CLU: variants seen among roughly 807,000 people sequenced by gnomAD.
The protein encoded by CLU is aging-associated protein 4.
CLU carries 25 observed loss-of-function variants against 46.4 expected under a neutral mutation model. That is an observed-to-expected ratio of 0.54 (90% CI 0.39 to 0.75). CLU has a LOEUF of 0.75. CLU is among the 30% of genes least tolerant of loss of function. The pLI is 0.00. For missense variants in CLU, 504 were observed against 592.1 expected (o/e 0.85, Z 1.54); for synonymous variants, 235 against 235.1 (o/e 1.00, Z 0.00).
chr8:27,611,145 C>T (rs1218677724), intron 1 of CLU: 1 of 451,490 alleles, frequency 2.2e-6, no homozygotes, highest in Admixed American at 2.4e-5. Flanking sequence ...CTCAGCACCA[C>T]CTGAACTTGA....
Position 27,598,215 on chromosome 8 carries a change from G to A in CLU, c.*26C>T, listed in dbSNP as rs750266639. On this transcript the variant is annotated 3_prime_UTR_variant, in exon 9 of 9. Coordinates refer to ENST00000316403, the MANE Select transcript of CLU (RefSeq NM_001831.4). ...GGGGGAGCTGGACTCAGATGCCCCC[G>A]TAGGTGCAAAAGCAACATCCACATC... 1.7e-5 allele frequency: 28 copies of A among 1,612,846 alleles called. No homozygotes were observed. Among genetic ancestry groups the A allele is most frequent in the South Asian group, 3.3e-5 (3 of 90,980 alleles).
chr8:27,600,104 G>T, intron 6 of CLU, 95 bp from the exon 7 acceptor site: 2 of 943,666 alleles, frequency 2.1e-6, no homozygotes, highest in Non-Finnish European at 3.4e-6. Flanking sequence ...ACATGCAGCG[G>T]GAACAAAAGC....
chr8:27,606,373 G>A lies in CLU; in HGVS notation c.398C>T (p.Ser133Leu), dbSNP rs779845036. The change falls in exon 4 of 9, where the codon TCA becomes TTA. Residue 133 changes from serine (S) to leucine (L), a missense_variant. Coordinates refer to ENST00000316403, the MANE Select transcript of CLU (RefSeq NM_001831.4). ...TTTCACCTGGCGGCCAACCAGGCCT[G>A]AGCCACTTCTGCAGACGCGTGCGTA... is the stretch of plus-strand genomic sequence containing the variant. ...KFYARVCRSG[S>L]GLVGRQLEEF... 45 of 1,614,056 alleles carry A rather than the reference G, an allele frequency of 2.8e-5. No individual in the cohort carries two copies. Among genetic ancestry groups the A allele is most frequent in the Non-Finnish European group, 3.5e-5 (41 of 1,180,054 alleles).
intron 3 of CLU, among the ~76,000 whole-genome samples, chr8:27,607,210 A>T (rs1800837668): frequency 6.6e-6 from 1 of 152,046 alleles, no homozygotes; most frequent in South Asian, 2.1e-4. Flanking sequence ...GGTGGTGCAC[A>T]CCTGCACTCC....
intron 1 of CLU, among the ~76,000 whole-genome samples, chr8:27,612,651 G>A (rs1800949107): frequency 6.6e-6 from 1 of 152,052 alleles, no homozygotes; most frequent in Non-Finnish European, 1.5e-5. Context: ...CAGCCAGTCT[G>A]CAGGTGATAT....
Position 27,602,246 on chromosome 8 carries a change from G to A in CLU, c.934+2045C>T, listed in dbSNP as rs117756655. On this transcript the variant is annotated intron_variant, in intron 6 of 8. Coordinates refer to ENST00000316403, the MANE Select transcript of CLU (RefSeq NM_001831.4). ...GGAAGGGAGCTGCTGACCTCTAGTG[G>A]GCAGAGGCCAGGAATGCTGCCAAAC... Among the ~76,000 whole-genome samples the A allele has an allele frequency of 9.5e-4, 145 of 152,134 alleles. 2 individuals carry two copies. In the East Asian group the frequency reaches 0.025, roughly 26 times the overall value.
chr8:27,599,472 G>A lies in CLU; in HGVS notation c.1164+308C>T. 1 of 395,864 alleles carries A rather than the reference G, an allele frequency of 2.5e-6. No homozygotes were observed. The allele number at this position is 395,864 out of a possible 1,614,324, so 24.5% of individuals were successfully genotyped here. ...GCTTCTGGTTTATTCACAGATTTGT[G>A]CACCAAAACAAAAACAACAACAACA... On this transcript the variant is annotated intron_variant, in intron 7 of 8. Coordinates refer to ENST00000316403, the MANE Select transcript of CLU (RefSeq NM_001831.4). This position sits in a 1 kb window ranked among gnomAD's most constrained non-coding sequence, Gnocchi z 4.0.
Position 27,608,925 on chromosome 8 carries a change from G to T in CLU, c.246+13C>A. 8 of 1,614,100 alleles carry T rather than the reference G, an allele frequency of 5.0e-6. No individual in the cohort carries two copies. Among genetic ancestry groups the T allele is most frequent in the Non-Finnish European group, 5.9e-6 (7 of 1,179,986 alleles). On this transcript the variant is annotated intron_variant, in intron 3 of 8. Coordinates refer to ENST00000316403, the MANE Select transcript of CLU (RefSeq NM_001831.4). The stretch of plus-strand genomic sequence containing the variant: ...ATGGTCAAGGCAGGGAGGCGGTAGC[G>T]GCTCCTCCTGACCTCTTTCTTCTTC...
chr8:27,604,262 G>A, intron 6 of CLU, 29 bp downstream of exon 6: 1 of 1,574,662 alleles, frequency 6.4e-7, no homozygotes, highest in Non-Finnish European at 8.7e-7. Flanking sequence ...GATCAGGGGG[G>A]ACGGCTTGTG....
intron 8 of CLU, 104 bp from the exon 9 acceptor site, chr8:27,598,354 G>A (rs975611826): frequency 4.1e-5 from 66 of 1,592,842 alleles, no homozygotes; most frequent in Middle Eastern, 3.3e-4. Flanking sequence ...GGCTCCGGGC[G>A]GAGTCGTTCC....
At chr8:27,602,072 T>C (rs142821621) in intron 6 of CLU, among the ~76,000 whole-genome samples, 79 of 152,218 alleles carry the variant, frequency 5.2e-4, no homozygotes, top group African/African-American at 1.5e-3. Context: ...GCCTGGGTGA[T>C]AGAGCGAGAC....
intron 1 of CLU, chr8:27,611,977 T>C: frequency 2.8e-6 from 1 of 359,138 alleles, no homozygotes; most frequent in East Asian, 7.3e-5. Context: ...CAACAACTTC[T>C]GGAAAAACCC....
At position 27,604,289 on chromosome 8, in the gene CLU, A is replaced by C; in HGVS notation, c.934+2T>G. On this transcript the variant is annotated splice_donor_variant, in intron 6 of 8. Transcript: ENST00000316403. LOFTEE classifies it high-confidence loss of function. Reference sequence around the variant, plus strand: ...CGGCTTGTGGTCTGGACCCCGACTCACCCACAGACAAGATCTCCCGGCACT... The same window carrying C: ...CGGCTTGTGGTCTGGACCCCGACTCCCCCACAGACAAGATCTCCCGGCACT... 6.2e-7 allele frequency: 1 copy of C among 1,613,178 alleles called. No individual in the cohort carries two copies. The highest frequency in any genetic ancestry group is 8.5e-7 in the Non-Finnish European group (1 of 1,179,338).
chr8:27,597,306 T>C lies in CLU; in HGVS notation c.*935A>G. On this transcript the variant is annotated 3_prime_UTR_variant, in exon 9 of 9. Transcript: ENST00000316403. Reference sequence around the variant, plus strand: ...GCCTGAGCTTTAAGACTGAGATTGGTACCACGGGTAGTCATGGCCACCTGC... The same window carrying C: ...GCCTGAGCTTTAAGACTGAGATTGGCACCACGGGTAGTCATGGCCACCTGC... 2.2e-6 allele frequency: 1 copy of C among 454,556 alleles called. No homozygotes were observed. The allele number at this position is 454,556 out of a possible 1,614,324, so 28.2% of individuals were successfully genotyped here. A position where few individuals can be genotyped will look rare whatever the true frequency, so the allele number is the denominator to read the frequency against.
At chr8:27,607,728 G>A (rs1800846544) in intron 3 of CLU, among the ~76,000 whole-genome samples, 2 of 145,184 alleles carry the variant, frequency 1.4e-5, no homozygotes, top group East Asian at 4.1e-4. Flanking sequence ...AAGTCTCTAT[G>A]AATGAGTGTG....
At chr8:27,613,136 C>G (rs1322562377) in intron 1 of CLU, among the ~76,000 whole-genome samples, 2 of 152,104 alleles carry the variant, frequency 1.3e-5, no homozygotes, top group South Asian at 4.1e-4. Flanking sequence ...CCTGTCACCC[C>G]AGCACTTTGG....
chr8:27,610,330 GAC>G, intron 2 of CLU, 143 bp downstream of exon 2: 2 of 731,430 alleles, frequency 2.7e-6, no homozygotes, highest in Non-Finnish European at 4.9e-6. Flanking sequence ...AGTGGGCCCA[GAC>G]ACAGGCACCC....
intron 7 of CLU, 109 bp from the exon 8 acceptor site, chr8:27,598,744 G>A (rs2132849884): frequency 9.8e-7 from 1 of 1,017,212 alleles, no homozygotes; most frequent in Non-Finnish European, 1.5e-6. Context: ...CTTCTCCAAG[G>A]AAACCTAGAG....
chr8:27,606,318 C>T, intron 4 of CLU, 36 bp downstream of exon 4: 2 of 1,611,918 alleles, frequency 1.2e-6, no homozygotes, highest in Non-Finnish European at 1.7e-6. Flanking sequence ...TCCTTCCCCA[C>T]TCAGAGCCTT....
Sources: allele counts gnomAD v4.1 joint callset (sites outside exome capture counted in the v4.1 genomes callset), GRCh38; gene constraint gnomAD v4.1.1; non-coding constraint Gnocchi (gnomAD v3.1); transcripts MANE v1.5; gene names NCBI Gene and HGNC (gene_info 2026-07-23, HGNC 2026-07-21).